Variants in MINPP1 observed in about 807,000 individuals in gnomAD.
MINPP1 encodes the protein multiple inositol-polyphosphate phosphatase 1.
MINPP1 carries 28 observed loss-of-function variants against 46.1 expected under a neutral mutation model. That is an observed-to-expected ratio of 0.61 (90% CI 0.45 to 0.83). The LOEUF is 0.83. MINPP1 is among the 40% of genes least tolerant of loss of function. The pLI is 0.00. For synonymous variants in MINPP1, 268 were observed against 249.1 expected (o/e 1.08, Z -0.72); for missense variants, 603 against 610.0 (o/e 0.99, Z 0.12).
At chr10:87,531,708 ACCT>A (rs1487252561) in intron 4 of MINPP1, among the ~76,000 whole-genome samples, 4 of 152,150 alleles carry the variant, frequency 2.6e-5, no homozygotes, top group African/African-American at 9.7e-5. Flanking sequence ...TCCACACCTG[ACCT>A]CCTGTGATGG....
intron 4 of MINPP1, among the ~76,000 whole-genome samples, chr10:87,544,495 G>A (rs1167851150): frequency 6.6e-6 from 1 of 152,168 alleles, no homozygotes; most frequent in Non-Finnish European, 1.5e-5. Flanking sequence ...GTTGAGGGAT[G>A]GGCTTGAAAA....
intron 4 of MINPP1, among the ~76,000 whole-genome samples, chr10:87,530,836 T>G (rs1036366515): frequency 6.6e-6 from 1 of 152,156 alleles, no homozygotes; most frequent in Non-Finnish European, 1.5e-5. Context: ...CTCCTTGAGT[T>G]GCAGTGGGCT....
At chr10:87,538,033 C>G (rs1183217085) in intron 4 of MINPP1, among the ~76,000 whole-genome samples, 1 of 151,326 alleles carries the variant, frequency 6.6e-6, no homozygotes, top group East Asian at 1.9e-4. Context: ...TCCTGGTGGG[C>G]TCAAGCAGTC....
At position 87,505,189 on chromosome 10, in the gene MINPP1, C is replaced by A. The variant is rs747809466; in HGVS notation, c.274C>A (p.Arg92Ser). The A allele has an allele frequency of 6.2e-7, 1 of 1,609,060 alleles. No individual in the cohort carries two copies. Among genetic ancestry groups the A allele is most frequent in the Non-Finnish European group, 8.5e-7 (1 of 1,177,866 alleles). ...QLVALIRHGT[R>S]YPTVKQIRKL... ...GGTCGCCCTCATTCGCCACGGCACC[C>A]GCTACCCCACGGTCAAACAGATCCG... is the stretch of plus-strand genomic sequence containing the variant. Residue 92 changes from arginine to serine, a missense_variant, in exon 1 of 5, where the codon CGC becomes AGC. Arg to Ser is a moderately radical substitution (Grantham distance 110, BLOSUM62 -1). Transcript: ENST00000371996. This position sits in a 1 kb window ranked among gnomAD's most constrained non-coding sequence, Gnocchi z 4.4.
intron 4 of MINPP1, among the ~76,000 whole-genome samples, chr10:87,550,397 A>G (rs984519135): frequency 9.9e-5 from 15 of 152,178 alleles, no homozygotes; most frequent in Admixed American, 3.9e-4. Context: ...GCGCCTGTTG[A>G]TGAATGGCTT....
chr10:87,545,437 T>C (rs1175340521), intron 4 of MINPP1, among the ~76,000 whole-genome samples: 1 of 152,190 alleles, frequency 6.6e-6, no homozygotes. Context: ...GGTGATTATA[T>C]GTTTTATACA....
chr10:87,532,704 A>G (rs1851676865), intron 4 of MINPP1, among the ~76,000 whole-genome samples: 1 of 152,274 alleles, frequency 6.6e-6, no homozygotes, highest in Non-Finnish European at 1.5e-5. Context: ...TCTCTCCTAA[A>G]AACAGATTGA....
At chr10:87,523,571 G>A (rs950040843) in intron 4 of MINPP1, among the ~76,000 whole-genome samples, 5 of 151,360 alleles carry the variant, frequency 3.3e-5, no homozygotes, top group Admixed American at 2.6e-4. Context: ...TTGTTAGCCA[G>A]GATGGTCTCG....
chr10:87,524,680 A>G (rs1851549192), intron 4 of MINPP1, among the ~76,000 whole-genome samples: 1 of 152,188 alleles, frequency 6.6e-6, no homozygotes, highest in Non-Finnish European at 1.5e-5. Context: ...CTTAGAGGCC[A>G]TTGTAGGATT....
chr10:87,550,832 T>G (rs1851952314), intron 4 of MINPP1, among the ~76,000 whole-genome samples: 1 of 151,918 alleles, frequency 6.6e-6, no homozygotes, highest in Non-Finnish European at 1.5e-5. Context: ...GTGTGAGCCC[T>G]GTGTTTGGAG....
intron 3 of MINPP1, among the ~76,000 whole-genome samples, chr10:87,517,716 G>A (rs1186005972): frequency 6.6e-6 from 1 of 152,086 alleles, no homozygotes; most frequent in Non-Finnish European, 1.5e-5. Flanking sequence ...TATGTTTATT[G>A]GGGTACAGGT....
intron 3 of MINPP1, among the ~76,000 whole-genome samples, chr10:87,518,546 G>A (rs1043544394): frequency 3.9e-5 from 6 of 151,902 alleles, no homozygotes; most frequent in African/African-American, 1.5e-4. Flanking sequence ...ATGTGTGGGA[G>A]CCTTTCCCCT....
At chr10:87,525,787 T>G (rs1851568250) in intron 4 of MINPP1, among the ~76,000 whole-genome samples, 1 of 152,266 alleles carries the variant, frequency 6.6e-6, no homozygotes, top group South Asian at 2.1e-4. Context: ...TTCCCACCTA[T>G]GAGTGAAAAC....
At chr10:87,535,278 G>C (rs1307708569) in intron 4 of MINPP1, among the ~76,000 whole-genome samples, 1 of 152,230 alleles carries the variant, frequency 6.6e-6, no homozygotes, top group Non-Finnish European at 1.5e-5. Flanking sequence ...TAATACTCAT[G>C]TTTCAAGGTG....
intron 4 of MINPP1, among the ~76,000 whole-genome samples, chr10:87,550,333 G>A (rs966731316): frequency 3.3e-5 from 5 of 152,138 alleles, no homozygotes; most frequent in African/African-American, 1.2e-4. Context: ...ACAGGTTTTA[G>A]GTATTTTAGA....
chr10:87,545,981 G>T (rs6586075), intron 4 of MINPP1, among the ~76,000 whole-genome samples: 1 of 152,104 alleles, frequency 6.6e-6, no homozygotes, highest in Admixed American at 6.6e-5. Flanking sequence ...ATTCAGCCCC[G>T]GAGGCCACAT....
At chr10:87,535,286 G>T (rs1318571965) in intron 4 of MINPP1, among the ~76,000 whole-genome samples, 1 of 152,214 alleles carries the variant, frequency 6.6e-6, no homozygotes, top group African/African-American at 2.4e-5. Flanking sequence ...ATGTTTCAAG[G>T]TGTTGAGAAG....
chr10:87,510,624 C>T (rs546477587), intron 2 of MINPP1, among the ~76,000 whole-genome samples: 14 of 152,200 alleles, frequency 9.2e-5, no homozygotes, highest in Admixed American at 3.9e-4. Context: ...GGCCGAGTGC[C>T]GTGGCATAAC....
chr10:87,547,537 A>T (rs867126400), intron 4 of MINPP1, among the ~76,000 whole-genome samples: 10 of 152,220 alleles, frequency 6.6e-5, no homozygotes, highest in Admixed American at 2.6e-4. Flanking sequence ...ATTTTTTGGT[A>T]TAAATTGTTT....
Sources: gnomAD v4.1 joint callset for allele counts (sites outside exome capture counted in the v4.1 genomes callset) on GRCh38, gnomAD v4.1.1 for gene constraint, Gnocchi (gnomAD v3.1) non-coding constraint, MANE v1.5 for transcripts, NCBI Gene and HGNC (gene_info 2026-07-23, HGNC 2026-07-21) for gene names.